Variants in CLNK observed in about 807,000 individuals in gnomAD.
The protein encoded by CLNK is cytokine-dependent hematopoietic cell linker.
In CLNK, 74 loss-of-function variants were observed where a neutral mutation model predicts 68.6. The ratio of observed to expected loss-of-function variants is 1.08; its 90% confidence interval spans 0.89 to 1.31. The LOEUF is 1.31. Among genes scored for constraint, CLNK ranks in the 50% most tolerant of loss-of-function variants. The pLI is 0.00. For missense variants in CLNK, 553 were observed against 515.3 expected (o/e 1.07, Z -0.71); for synonymous variants, 198 against 172.2 (o/e 1.15, Z -1.17).
At chr4:10,732,020 T>C in the CLNK span, among the ~76,000 whole-genome samples, 2 of 152,216 alleles carry the variant, frequency 1.3e-5, no homozygotes, top group Non-Finnish European at 2.9e-5. Context: ...GCAATCAATA[T>C]GAATGTGGAA....
intron 18 of CLNK, 112 bp downstream of exon 18, chr4:10,501,144 G>T: frequency 9.1e-7 from 1 of 1,102,616 alleles, no homozygotes; most frequent in Non-Finnish European, 1.3e-6. Flanking sequence ...AGGTCAGACT[G>T]CATCCCTCTC....
At chr4:10,645,639 A>G (rs1723478334) in intron 2 of CLNK, among the ~76,000 whole-genome samples, 1 of 152,192 alleles carries the variant, frequency 6.6e-6, no homozygotes, top group Non-Finnish European at 1.5e-5. Flanking sequence ...GGTACTTACA[A>G]AATGGCACAT....
At chr4:10,603,680 G>A (rs557415240) in intron 2 of CLNK, among the ~76,000 whole-genome samples, 38 of 152,344 alleles carry the variant, frequency 2.5e-4, no homozygotes, top group Non-Finnish European at 4.9e-4. Context: ...CGGCCCCCAC[G>A]GGGAATGAGG....
intron 2 of CLNK, among the ~76,000 whole-genome samples, chr4:10,607,628 T>G (rs1721838862): frequency 6.6e-6 from 1 of 152,184 alleles, no homozygotes; most frequent in Non-Finnish European, 1.5e-5. Context: ...GGGAAATGGC[T>G]CAAATAGAAG....
At chr4:10,688,156 G>A (rs1252315006), upstream of CLNK, among the ~76,000 whole-genome samples, 1 of 152,182 alleles carries the variant, frequency 6.6e-6, no homozygotes, top group African/African-American at 2.4e-5. Context: ...CTTTTGTTGG[G>A]CCTGTCTCAC....
At position 10,653,037 on chromosome 4, in the gene CLNK, G is replaced by T. The variant is rs192361332; in HGVS notation, c.11+14822C>A. Among the ~76,000 whole-genome samples the T allele has an allele frequency of 5.9e-5, 9 of 152,290 alleles. No homozygotes were observed. The East Asian group carries it at 1.7e-3, about 29-fold the overall frequency. On this transcript the variant is annotated intron_variant, in intron 2 of 18. Coordinates refer to ENST00000226951, the MANE Select transcript of CLNK (RefSeq NM_052964.4). ...TAAAAAGGATGAGTTCATATCCTTTGCAGGGACATGGATGACACTGGAAAC... is the reference window on the plus strand; with the variant it reads ...TAAAAAGGATGAGTTCATATCCTTTTCAGGGACATGGATGACACTGGAAAC...
At chr4:10,541,222 CAAA>C (rs200738466) in intron 10 of CLNK, among the ~76,000 whole-genome samples, 4 of 38,388 alleles carry the variant, frequency 1.0e-4, no homozygotes, top group Non-Finnish European at 3.1e-4. Flanking sequence ...AAAAAAAAAA[CAAA>C]AAAAAAAAAA....
chr4:10,507,810 C>G, intron 17 of CLNK, 149 bp downstream of exon 17: 1 of 634,944 alleles, frequency 1.6e-6, no homozygotes, highest in Non-Finnish European at 2.7e-6. Context: ...ATGCCCTTTT[C>G]GACTACAGCC....
chr4:10,584,565 C>A (rs756200929), intron 4 of CLNK, among the ~76,000 whole-genome samples: 1 of 152,112 alleles, frequency 6.6e-6, no homozygotes, highest in Non-Finnish European at 1.5e-5. Flanking sequence ...TTGGGGGTAA[C>A]CAATTATATG....
chr4:10,587,076 G>A (rs1577148613), intron 3 of CLNK, among the ~76,000 whole-genome samples: 1 of 151,498 alleles, frequency 6.6e-6, no homozygotes, highest in Non-Finnish European at 1.5e-5. Flanking sequence ...GCCATTCTCC[G>A]GCCTCAGCCT....
the CLNK span, among the ~76,000 whole-genome samples, chr4:10,734,301 T>C: frequency 6.6e-6 from 1 of 152,204 alleles, no homozygotes; most frequent in African/African-American, 2.4e-5. Flanking sequence ...GATTGCATAG[T>C]TCCACCATTC....
At chr4:10,695,910 C>T in the CLNK span, among the ~76,000 whole-genome samples, 5 of 150,832 alleles carry the variant, frequency 3.3e-5, no homozygotes, top group African/African-American at 1.2e-4. Context: ...GGCTGGAGTG[C>T]ACTGGTGTGA....
rs16870332 is a variant in CLNK at position 10,599,364 on chromosome 4, G to C, written c.12-1315C>G. Among the ~76,000 whole-genome samples the C allele has an allele frequency of 6.0e-3, 911 of 152,310 alleles. 18 individuals are homozygous for C. In the East Asian group the frequency reaches 0.064, roughly 11 times the overall value. On this transcript the variant is annotated intron_variant, in intron 2 of 18. Transcript: ENST00000226951. The stretch of plus-strand genomic sequence containing the variant: ...TAATAAATTTAAAAATCTGCGAGTT[G>C]TTTGGGTATATTTTGTCACTGTGTA...
At chr4:10,615,654 G>A (rs1276432509) in intron 2 of CLNK, among the ~76,000 whole-genome samples, 1 of 152,218 alleles carries the variant, frequency 6.6e-6, no homozygotes, top group African/African-American at 2.4e-5. Flanking sequence ...ATGAGGATGC[G>A]AGCTCATAGT....
intron 16 of CLNK, 64 bp from the exon 17 acceptor site, chr4:10,508,100 T>A: frequency 7.7e-7 from 1 of 1,294,866 alleles, no homozygotes; most frequent in Non-Finnish European, 1.1e-6. Flanking sequence ...ATTGATTAAT[T>A]AATTCAAAAT....
chr4:10,684,305 G>A (rs1021298422), intron 1 of CLNK, among the ~76,000 whole-genome samples: 1 of 152,162 alleles, frequency 6.6e-6, no homozygotes, highest in Non-Finnish European at 1.5e-5. Context: ...TTGAATGGAG[G>A]CTTTCTTTCT....
At chr4:10,681,047 C>T (rs1725077683) in intron 1 of CLNK, among the ~76,000 whole-genome samples, 1 of 152,096 alleles carries the variant, frequency 6.6e-6, no homozygotes, top group Non-Finnish European at 1.5e-5. Flanking sequence ...TTCCAGGTGC[C>T]TGCCAAGGCA....
intron 17 of CLNK, among the ~76,000 whole-genome samples, chr4:10,504,248 G>A (rs1717189620): frequency 6.6e-6 from 1 of 150,608 alleles, no homozygotes; most frequent in Admixed American, 6.7e-5. Context: ...AGCCTCCTGA[G>A]TGGCTGGGAC....
At chr4:10,542,563 T>C (rs1426898524) in intron 8 of CLNK, among the ~76,000 whole-genome samples, 1 of 152,016 alleles carries the variant, frequency 6.6e-6, no homozygotes, top group African/African-American at 2.4e-5. Flanking sequence ...AATGAAGATT[T>C]CATTGCACAT....
Sources: gnomAD v4.1 joint callset for allele counts (sites outside exome capture counted in the v4.1 genomes callset) on GRCh38, gnomAD v4.1.1 for gene constraint, MANE v1.5 for transcripts, NCBI Gene and HGNC (gene_info 2026-07-23, HGNC 2026-07-21) for gene names.